PCDHGA1: variants seen among roughly 807,000 people sequenced by gnomAD.
The protein encoded by PCDHGA1 is protocadherin gamma-A1.
PCDHGA1 carries 32 observed loss-of-function variants against 58.0 expected under a neutral mutation model. That is an observed-to-expected ratio of 0.55 (90% CI 0.42 to 0.74). The LOEUF is 0.74. Among genes scored for constraint, PCDHGA1 ranks in the 30% least tolerant of loss-of-function variants. The probability of loss-of-function intolerance (pLI) is 0.00; values close to 1 mark genes in which losing one functional copy is unlikely to be tolerated. For synonymous variants in PCDHGA1, 498 were observed against 501.1 expected (o/e 0.99, Z 0.08); for missense variants, 1,205 against 1,182.3 (o/e 1.02, Z -0.28).
chr5:141,390,392 C>A, intron 1 of PCDHGA1: 1 of 1,390,890 alleles, frequency 7.2e-7, no homozygotes. Flanking sequence ...TGTCATGGAT[C>A]ATTTTAGGAA....
intron 1 of PCDHGA1, among the ~76,000 whole-genome samples, chr5:141,407,130 T>C (rs1218017139): frequency 1.3e-5 from 2 of 152,230 alleles, no homozygotes; most frequent in Non-Finnish European, 2.9e-5. Flanking sequence ...TTGCTTTATT[T>C]TTAAGAAAAA....
intron 1 of PCDHGA1, chr5:141,427,048 C>T (rs1257232583): frequency 4.4e-6 from 2 of 457,350 alleles, no homozygotes; most frequent in South Asian, 1.5e-5. Context: ...AATGTGCCCC[C>T]AGGCACCTCT....
chr5:141,409,178 G>A, intron 1 of PCDHGA1: 1 of 1,613,994 alleles, frequency 6.2e-7, no homozygotes, highest in Non-Finnish European at 8.5e-7. Context: ...GGACGGAGGT[G>A]GTCTCTCTAC....
rs755090005 is a variant in PCDHGA1, at chr5:141,388,852, G to A, written c.2421+55747G>A. 1.9e-5 allele frequency: 31 copies of A among 1,613,990 alleles called. 1 individual carries two copies. The South Asian group carries it at 3.0e-4, about 15-fold the overall frequency. On this transcript the variant is annotated intron_variant, in intron 1 of 3. Coordinates refer to ENST00000517417, the MANE Select transcript of PCDHGA1 (RefSeq NM_018912.3). ...ATAGTTTTGGAAGCAAGGGACGGTG[G>A]AGGAATGATTGCGCAATGCACAGTG...
In PCDHGA1 at chr5:141,332,898, G is replaced by T. The variant is rs772040035; in HGVS notation, c.2214G>T (p.Ser738=). The T allele has an allele frequency of 6.2e-7, 1 of 1,614,216 alleles. No individual in the cohort carries two copies. Among genetic ancestry groups the T allele is most frequent in the East Asian group, 2.2e-5 (1 of 44,880 alleles). ...SGGGLASMPG[S]HFVGVDGVRA... is the part of the protein sequence containing the mutation. ...GCGGCTTAGCGAGCATGCCCGGTTC[G>T]CACTTTGTGGGCGTGGACGGGGTTC... The change falls in exon 1 of 4, where the codon TCG becomes TCT. Residue 738 remains serine (S), a synonymous_variant. Coordinates refer to ENST00000517417, the MANE Select transcript of PCDHGA1 (RefSeq NM_018912.3). This position sits in a 1 kb window ranked among gnomAD's most constrained non-coding sequence, Gnocchi z 4.6.
Position 141,409,803 on chromosome 5 carries a change from C to G in PCDHGA1, c.2421+76698C>G, listed in dbSNP as rs779815582. The G allele has an allele frequency of 1.4e-5, 23 of 1,611,528 alleles. No homozygotes were observed. The highest frequency in any genetic ancestry group is 7.7e-5 in the South Asian group (7 of 90,886). ...CGCGCCTTCGCGCTCACGCTGCAGG[C>G]CCGCGACCACGGCTCGCCCACGCTC... On this transcript the variant is annotated intron_variant, in intron 1 of 3. Coordinates refer to ENST00000517417, the MANE Select transcript of PCDHGA1 (RefSeq NM_018912.3).
rs2099521625 is a variant in PCDHGA1, at chr5:141,480,568, G to A, written c.2422-14239G>A. 2.0e-5 allele frequency among the ~76,000 whole-genome samples: 3 copies of A among 152,338 alleles called. No individual in the cohort carries two copies. The South Asian group carries it at 6.2e-4, about 32-fold the overall frequency. Reference sequence around the variant, plus strand: ...AAAGGCTAAGAAAGCATGAAAGCCAGCAAGAAATAACTGCCGCTCTTCTGG... The same window carrying A: ...AAAGGCTAAGAAAGCATGAAAGCCAACAAGAAATAACTGCCGCTCTTCTGG... On this transcript the variant is annotated intron_variant, in intron 1 of 3. Coordinates refer to ENST00000517417, the MANE Select transcript of PCDHGA1 (RefSeq NM_018912.3).
intron 1 of PCDHGA1, among the ~76,000 whole-genome samples, chr5:141,433,465 C>T (rs1386201581): frequency 6.6e-6 from 1 of 152,060 alleles, no homozygotes; most frequent in Non-Finnish European, 1.5e-5. Context: ...GAAACTTGGG[C>T]TCAGGCTAGC....
At chr5:141,450,134 G>A (rs1267554616) in intron 1 of PCDHGA1, among the ~76,000 whole-genome samples, 1 of 151,424 alleles carries the variant, frequency 6.6e-6, no homozygotes, top group East Asian at 2.0e-4. Context: ...AGCCTCCTGA[G>A]TAGCTGGGAC....
Position 141,490,320 on chromosome 5 carries a change from A to G in PCDHGA1, c.2422-4487A>G. The G allele has an allele frequency of 6.2e-7, 1 of 1,614,228 alleles. No individual in the cohort carries two copies. The highest frequency in any genetic ancestry group is 1.1e-5 in the South Asian group (1 of 91,088). ...TGGCCTCTTTGGCCAACCCTGTCCT[A>G]GAGAGCACACCAGTGGGCACAGTAG... On this transcript the variant is annotated intron_variant, in intron 1 of 3. Transcript: ENST00000517417. The surrounding 1 kb of genome is among the most constrained non-coding windows in gnomAD (Gnocchi z 5.4).
intron 3 of PCDHGA1, among the ~76,000 whole-genome samples, chr5:141,507,713 C>T (rs2099862763): frequency 6.6e-6 from 1 of 152,234 alleles, no homozygotes; most frequent in Non-Finnish European, 1.5e-5. Flanking sequence ...GGCCCCAAAC[C>T]CTCCAAGCAA....
intron 1 of PCDHGA1, chr5:141,414,939 C>T (rs773327918): frequency 2.5e-6 from 4 of 1,614,090 alleles, no homozygotes; most frequent in Admixed American, 1.7e-5. Context: ...CCGCAGAGCC[C>T]GGCTACCTGG....
chr5:141,432,797 T>C lies in PCDHGA1; in HGVS notation c.2422-62010T>C, dbSNP rs1591218426. On this transcript the variant is annotated intron_variant, in intron 1 of 3. Coordinates refer to ENST00000517417, the MANE Select transcript of PCDHGA1 (RefSeq NM_018912.3). The surrounding 1 kb of genome is among the most constrained non-coding windows in gnomAD (Gnocchi z 6.0). The stretch of plus-strand genomic sequence containing the variant: ...CCTGGCGGACCTCGGCAGCCTCGAG[T>C]CTCCAGCTAACTCTGAAACCTCAGA... 2.5e-6 allele frequency: 4 copies of C among 1,613,752 alleles called. No individual in the cohort carries two copies. The highest frequency in any genetic ancestry group is 2.7e-5 in the African/African-American group (2 of 74,816).
At chr5:141,383,989 A>G in intron 1 of PCDHGA1, 1 of 1,613,876 alleles carries the variant, frequency 6.2e-7, no homozygotes, top group Non-Finnish European at 8.5e-7. Context: ...ACCTCTTGGG[A>G]CAGTCATTGC....
chr5:141,352,600 T>G (rs776882485), intron 1 of PCDHGA1: 31 of 1,613,700 alleles, frequency 1.9e-5, no homozygotes, highest in Non-Finnish European at 2.5e-5. Flanking sequence ...TGTGTGATGA[T>G]CCTTCTATGG....
In PCDHGA1 at chr5:141,360,981, T is replaced by A. The variant is rs373943758; in HGVS notation, c.2421+27876T>A. The A allele has an allele frequency of 4.3e-6, 7 of 1,613,656 alleles. No homozygotes were observed. In the African/African-American group the frequency reaches 9.3e-5, roughly 22 times the overall value. ...ACGCAGAGATCACCTACTCCTTTCA[T>A]AATGTGGACGAACAAGTGAAACACT... On this transcript the variant is annotated intron_variant, in intron 1 of 3. Coordinates refer to ENST00000517417, the MANE Select transcript of PCDHGA1 (RefSeq NM_018912.3).
chr5:141,351,589 C>T (rs1366069442), intron 1 of PCDHGA1: 2 of 1,614,082 alleles, frequency 1.2e-6, no homozygotes, highest in Admixed American at 1.7e-5. Flanking sequence ...ACATCAACGA[C>T]AATGCACCTG....
At chr5:141,422,465 G>A in intron 1 of PCDHGA1, 1 of 1,613,508 alleles carries the variant, frequency 6.2e-7, no homozygotes, top group Non-Finnish European at 8.5e-7. Flanking sequence ...GTGCTGGACA[G>A]GGAGTTGGTC....
At chr5:141,427,067 G>A (rs1170378664) in intron 1 of PCDHGA1, 1 of 457,930 alleles carries the variant, frequency 2.2e-6, no homozygotes, top group Non-Finnish European at 4.4e-6. Context: ...CTGTACTAAA[G>A]GTGACAGCCA....
Sources: allele counts gnomAD v4.1 joint callset (sites outside exome capture counted in the v4.1 genomes callset), GRCh38; gene constraint gnomAD v4.1.1; non-coding constraint Gnocchi (gnomAD v3.1); transcripts MANE v1.5; gene names NCBI Gene and HGNC (gene_info 2026-07-23, HGNC 2026-07-21).